Variants in PTPRG observed in about 807,000 individuals in gnomAD.
The protein encoded by PTPRG is receptor-type tyrosine-protein phosphatase gamma.
A neutral mutation model predicts 165.3 loss-of-function variants in PTPRG; 102 were observed. The observed-to-expected ratio is 0.62, with a 90% CI of 0.53 to 0.73. The LOEUF is 0.73. Ranked by LOEUF, PTPRG falls within the 30% of genes least tolerant of loss-of-function variation. The pLI is 0.00. For synonymous variants in PTPRG, 675 were observed against 669.5 expected, an observed-to-expected ratio of 1.01 and a Z score of -0.13; for missense variants, 1,866 against 1,861.4, an observed-to-expected ratio of 1.00 and a Z score of -0.05.
chr3:61,855,707 T>TA (rs570109902), intron 2 of PTPRG, among the ~76,000 whole-genome samples: 1 of 151,032 alleles, frequency 6.6e-6, no homozygotes, highest in South Asian at 2.1e-4. Flanking sequence ...AGTAATTTCT[T>TA]ACTTTTATTT....
intron 19 of PTPRG, among the ~76,000 whole-genome samples, chr3:62,268,457 T>C (rs908184381): frequency 6.6e-6 from 1 of 151,950 alleles, no homozygotes; most frequent in Non-Finnish European, 1.5e-5. Context: ...GTAACAAACC[T>C]GCAAATCTTG....
intron 1 of PTPRG, among the ~76,000 whole-genome samples, chr3:61,745,706 C>T (rs1313656284): frequency 6.6e-6 from 1 of 152,156 alleles, no homozygotes; most frequent in African/African-American, 2.4e-5. Flanking sequence ...AGTCCAATTC[C>T]TTATACCACA....
At chr3:61,987,040 G>A (rs968157627) in intron 2 of PTPRG, among the ~76,000 whole-genome samples, 4 of 152,086 alleles carry the variant, frequency 2.6e-5, no homozygotes, top group African/African-American at 7.2e-5. Flanking sequence ...TTTATAAAGT[G>A]TCTTAACACT....
At chr3:62,072,402 G>T (rs530103209) in intron 4 of PTPRG, among the ~76,000 whole-genome samples, 2 of 152,210 alleles carry the variant, frequency 1.3e-5, no homozygotes, top group Admixed American at 1.3e-4. Flanking sequence ...CCATCACCTT[G>T]ATCTGGCTAG....
chr3:61,722,796 G>A (rs1474767291), intron 1 of PTPRG, among the ~76,000 whole-genome samples: 3 of 152,162 alleles, frequency 2.0e-5, no homozygotes, highest in Non-Finnish European at 4.4e-5. Context: ...CAGACGGGGT[G>A]TACTATCTGG....
chr3:61,788,200 C>G (rs2034767816), intron 2 of PTPRG, among the ~76,000 whole-genome samples: 1 of 152,132 alleles, frequency 6.6e-6, no homozygotes, highest in Admixed American at 6.6e-5. Context: ...AGTATCAAAG[C>G]AGAGATTCAC....
intron 10 of PTPRG, among the ~76,000 whole-genome samples, chr3:62,201,234 C>G (rs990750606): frequency 2.0e-5 from 3 of 152,130 alleles, no homozygotes; most frequent in Admixed American, 6.5e-5. Flanking sequence ...AAACAGAAAA[C>G]AGTAAAAATT....
At chr3:62,167,776 A>G (rs538680126) in intron 7 of PTPRG, among the ~76,000 whole-genome samples, 195 bp from the exon 8 acceptor site, 1 of 152,302 alleles carries the variant, frequency 6.6e-6, no homozygotes, top group Admixed American at 6.5e-5. Context: ...AACCACAGCC[A>G]GATGAGCCTG....
At chr3:62,215,983 C>T (rs556337661) in intron 12 of PTPRG, among the ~76,000 whole-genome samples, 5 of 151,978 alleles carry the variant, frequency 3.3e-5, no homozygotes, top group Admixed American at 6.6e-5. Context: ...TTTGGGAGGC[C>T]GAGGCGGGAG....
chr3:61,767,628 G>C (rs1320948729), intron 2 of PTPRG, among the ~76,000 whole-genome samples: 1 of 152,200 alleles, frequency 6.6e-6, no homozygotes, highest in African/African-American at 2.4e-5. Context: ...AGTGTTCCAA[G>C]ACACTTTGGT....
At chr3:61,933,357 T>C (rs368011109) in intron 2 of PTPRG, among the ~76,000 whole-genome samples, 2 of 152,180 alleles carry the variant, frequency 1.3e-5, no homozygotes, top group African/African-American at 4.8e-5. Context: ...TTAATTGTAC[T>C]GGGTACCTGA....
chr3:61,977,859 G>T (rs999520385), intron 2 of PTPRG, among the ~76,000 whole-genome samples: 10 of 152,098 alleles, frequency 6.6e-5, no homozygotes, highest in African/African-American at 2.4e-4. Flanking sequence ...AAACACAAAT[G>T]GTGTAACATA....
In PTPRG at chr3:62,255,592, T is replaced by C. The variant is rs1322644175; in HGVS notation, c.2559+377T>C. Among the ~76,000 whole-genome samples, 2 of 152,150 alleles carry C rather than the reference T, an allele frequency of 1.3e-5. No individual in the cohort carries two copies. The highest frequency in any genetic ancestry group is 4.8e-5 in the African/African-American group (2 of 41,432). On this transcript the variant is annotated intron_variant, in intron 16 of 29. Transcript: ENST00000474889. This position sits in a 1 kb window ranked among gnomAD's most constrained non-coding sequence, Gnocchi z 4.0. ...ACATGGTATAGTGAAGATAGCAGGT[T>C]TGGTGTCTGAGAAACTGGGTGCTGG...
At chr3:61,999,505 C>T (rs1301624344) in intron 3 of PTPRG, among the ~76,000 whole-genome samples, 1 of 152,152 alleles carries the variant, frequency 6.6e-6, no homozygotes, top group African/African-American at 2.4e-5. Context: ...TCTGTAACAC[C>T]ATTCATTGTT....
At chr3:62,145,219 T>C (rs1357232130) in intron 6 of PTPRG, among the ~76,000 whole-genome samples, 1 of 152,184 alleles carries the variant, frequency 6.6e-6, no homozygotes, top group African/African-American at 2.4e-5. Context: ...TTCACCTCTT[T>C]GTGGCTCAGT....
At chr3:62,166,477 A>C (rs1440522941) in intron 7 of PTPRG, among the ~76,000 whole-genome samples, 1 of 151,302 alleles carries the variant, frequency 6.6e-6, no homozygotes, top group Non-Finnish European at 1.5e-5. Context: ...GCTGGAATTA[A>C]GGCATGCACC....
At chr3:61,739,910 C>G (rs2032912295) in intron 1 of PTPRG, among the ~76,000 whole-genome samples, 1 of 152,162 alleles carries the variant, frequency 6.6e-6, no homozygotes, top group Non-Finnish European at 1.5e-5. Flanking sequence ...GAACATGACC[C>G]AGCTCTCACA....
chr3:61,747,739 G>T (rs1403458453), intron 1 of PTPRG, among the ~76,000 whole-genome samples: 5 of 151,850 alleles, frequency 3.3e-5, no homozygotes, highest in African/African-American at 4.8e-5. Context: ...GTGTTTTCCT[G>T]GTCCCATCTT....
At chr3:62,204,692 G>C (rs1700183037) in intron 12 of PTPRG, among the ~76,000 whole-genome samples, 1 of 152,184 alleles carries the variant, frequency 6.6e-6, no homozygotes, top group South Asian at 2.1e-4. Flanking sequence ...GGGGAGAGCT[G>C]GTATTGGCCC....
Sources: allele counts gnomAD v4.1 joint callset (sites outside exome capture counted in the v4.1 genomes callset), GRCh38; gene constraint gnomAD v4.1.1; non-coding constraint Gnocchi (gnomAD v3.1); transcripts MANE v1.5; gene names NCBI Gene and HGNC (gene_info 2026-07-23, HGNC 2026-07-21).